Variants in IFT80 observed in about 807,000 individuals in gnomAD.
The protein encoded by IFT80 is intraflagellar transport 80, also known as intraflagellar transport protein 80 homolog.
In IFT80, 79 loss-of-function variants were observed where a neutral mutation model predicts 107.9. The ratio of observed to expected loss-of-function variants is 0.73; its 90% CI spans 0.61 to 0.88. The LOEUF is 0.88. Ranked by LOEUF, IFT80 falls within the 40% of genes least tolerant of loss-of-function variation. The pLI, the probability that IFT80 is intolerant of heterozygous loss-of-function variation, is 0.00. For synonymous variants in IFT80, 299 were observed against 300.9 expected (o/e 0.99, Z 0.07); for missense variants, 797 against 914.2 (o/e 0.87, Z 1.65).
chr3:160,387,518 A>G (rs969079986), intron 1 of IFT80, among the ~76,000 whole-genome samples: 3 of 152,318 alleles, frequency 2.0e-5, no homozygotes, highest in African/African-American at 7.2e-5. Flanking sequence ...AACAAAAAAG[A>G]AAAACAGTAG....
chr3:160,291,254 G>A (rs1314328689), intron 12 of IFT80, among the ~76,000 whole-genome samples: 2 of 152,120 alleles, frequency 1.3e-5, no homozygotes, highest in African/African-American at 4.8e-5. Context: ...CCCTATAACC[G>A]AAGAATAGAA....
In IFT80 at chr3:160,357,502, T is replaced by G. The variant is rs777829091; in HGVS notation, c.626A>C (p.Asp209Ala). 6.5e-7 allele frequency: 1 copy of G among 1,540,954 alleles called. No homozygotes were observed. The highest frequency in any genetic ancestry group is 1.7e-5 in the Admixed American group (1 of 59,796). ...AACATTATATACCTTATATTTACAGTCTTCACCAGCAGATAAAATAAGATC... is the reference window on the plus strand; with the variant it reads ...AACATTATATACCTTATATTTACAGGCTTCACCAGCAGATAAAATAAGATC... ...VNDLILSAGE[D>A]CKYKVWDSYG... Residue 209 changes from aspartate to alanine, a missense_variant, in exon 7 of 20, where the codon GAC becomes GCC. Asp to Ala is a moderately radical substitution (Grantham distance 126). Coordinates refer to ENST00000326448, the MANE Select transcript of IFT80 (RefSeq NM_020800.3).
chr3:160,363,102 C>T (rs1008417587), intron 6 of IFT80, among the ~76,000 whole-genome samples: 1 of 152,012 alleles, frequency 6.6e-6, no homozygotes, highest in East Asian at 1.9e-4. Flanking sequence ...ATGACACAAT[C>T]GTATATTTAG....
At position 160,322,003 on chromosome 3, in the gene IFT80, G is replaced by GTTATTTAT. The variant is rs145027648; in HGVS notation, c.778-2072_778-2065dup. 3.9e-3 allele frequency among the ~76,000 whole-genome samples: 573 copies of GTTATTTAT among 146,462 alleles called. 4 individuals carry two copies. Among genetic ancestry groups the GTTATTTAT allele is most frequent in the Admixed American group, 8.9e-3 (129 of 14,504 alleles). On this transcript the variant is annotated intron_variant, in intron 8 of 19. Transcript: ENST00000326448. ...CAGTAGAAAGGGTCATTGTCAGCTT[G>GTTATTTAT]TTATTTATTTATTTATTTATTTATT...
chr3:160,315,365 T>A (rs977306660), intron 9 of IFT80, among the ~76,000 whole-genome samples: 1 of 152,196 alleles, frequency 6.6e-6, no homozygotes, highest in Non-Finnish European at 1.5e-5. Flanking sequence ...ATTTACATTG[T>A]TAGGGTGAAA....
chr3:160,319,597 T>A (rs745709756), intron 9 of IFT80, among the ~76,000 whole-genome samples, 163 bp downstream of exon 9: 5 of 152,070 alleles, frequency 3.3e-5, no homozygotes, highest in Non-Finnish European at 7.4e-5. Flanking sequence ...GTGAAAGGTT[T>A]TTATGTCAGA....
chr3:160,304,439 T>C (rs1051146723), intron 10 of IFT80, among the ~76,000 whole-genome samples: 8 of 149,262 alleles, frequency 5.4e-5, no homozygotes, highest in African/African-American at 1.7e-4. Flanking sequence ...TTTTTTCTTT[T>C]TTTTTTTTTT....
intron 9 of IFT80, among the ~76,000 whole-genome samples, chr3:160,315,541 C>T (rs1293266727): frequency 6.6e-6 from 1 of 152,190 alleles, no homozygotes; most frequent in South Asian, 2.1e-4. Context: ...AGTTCTCAAG[C>T]TTACCCTTTC....
At chr3:160,324,115 T>G (rs1718491462) in intron 8 of IFT80, among the ~76,000 whole-genome samples, 1 of 152,136 alleles carries the variant, frequency 6.6e-6, no homozygotes, top group Non-Finnish European at 1.5e-5. Flanking sequence ...AGCAACAGGA[T>G]CTGAAATTGT....
Position 160,261,042 on chromosome 3 carries a change from C to G in IFT80, c.2224-2407G>C, listed in dbSNP as rs74880908. The stretch of plus-strand genomic sequence containing the variant: ...GTCTCTGATTCCATTTTCTTTGACT[C>G]CTCTAGGACATCTGACTTCAATTAT... On this transcript the variant is annotated intron_variant, in intron 19 of 19. Transcript: ENST00000326448. 5.3e-4 allele frequency among the ~76,000 whole-genome samples: 80 copies of G among 152,290 alleles called. 2 individuals are homozygous for G. The South Asian group carries it at 6.0e-3, about 11-fold the overall frequency.
chr3:160,267,072 A>G (rs893492627), intron 19 of IFT80, among the ~76,000 whole-genome samples: 1 of 152,162 alleles, frequency 6.6e-6, no homozygotes, highest in Non-Finnish European at 1.5e-5. Context: ...TCTAAAAAAC[A>G]TATCTCCTTT....
At chr3:160,270,577 A>C (rs1713717634) in intron 18 of IFT80, among the ~76,000 whole-genome samples, 1 of 152,084 alleles carries the variant, frequency 6.6e-6, no homozygotes, top group Non-Finnish European at 1.5e-5. Flanking sequence ...CTGTGACCTT[A>C]CGTCTTTCAG....
At chr3:160,295,824 A>T (rs1286249281) in intron 12 of IFT80, among the ~76,000 whole-genome samples, 1 of 152,252 alleles carries the variant, frequency 6.6e-6, no homozygotes, top group Admixed American at 6.5e-5. Context: ...CTTCAAAGAA[A>T]AAAGGAAATC....
chr3:160,377,772 T>C (rs1470392060), intron 3 of IFT80: 1 of 325,836 alleles, frequency 3.1e-6, no homozygotes, highest in African/African-American at 2.2e-5. Context: ...TTATACATGT[T>C]CATAACAGGG....
intron 12 of IFT80, chr3:160,299,153 ATAGT>A (rs1404954449): frequency 9.2e-6 from 9 of 981,494 alleles, no homozygotes; most frequent in Non-Finnish European, 1.1e-5. Context: ...TTCACAATTT[ATAGT>A]TATCTTAATT....
intron 1 of IFT80, among the ~76,000 whole-genome samples, chr3:160,385,314 A>C (rs1306085330): frequency 6.6e-6 from 1 of 152,272 alleles, no homozygotes; most frequent in Admixed American, 6.5e-5. Flanking sequence ...TGCTATGAAT[A>C]TAGTTGTTGT....
At chr3:160,331,475 G>A (rs1386696441) in intron 8 of IFT80, among the ~76,000 whole-genome samples, 6 of 152,114 alleles carry the variant, frequency 3.9e-5, no homozygotes, top group Non-Finnish European at 5.9e-5. Flanking sequence ...AGACAAGGAG[G>A]AACTACTATA....
At chr3:160,320,974 T>C (rs1288529221) in intron 8 of IFT80, among the ~76,000 whole-genome samples, 1 of 151,866 alleles carries the variant, frequency 6.6e-6, no homozygotes, top group Non-Finnish European at 1.5e-5. Context: ...AACCACTCAC[T>C]GACACTCTTT....
chr3:160,377,327 A>T lies in IFT80; in HGVS notation c.370+103T>A, dbSNP rs1712103667. The T allele has an allele frequency of 2.6e-5, 19 of 718,760 alleles. 1 individual carries two copies. Among genetic ancestry groups the T allele is most frequent in the South Asian group, 2.6e-4 (17 of 65,186 alleles). The allele number at this position is 718,760 out of a possible 1,614,324, so 44.5% of individuals were successfully genotyped here. ...AACAATACTATGCCAATTATTTGCT[A>T]TTACACAATGAAAGACACTATTGCT... On this transcript the variant is annotated intron_variant, in intron 4 of 19. Coordinates refer to ENST00000326448, the MANE Select transcript of IFT80 (RefSeq NM_020800.3).
Sources: gnomAD v4.1 joint callset for allele counts (sites outside exome capture counted in the v4.1 genomes callset) on GRCh38, gnomAD v4.1.1 for gene constraint, MANE v1.5 for transcripts, NCBI Gene and HGNC (gene_info 2026-07-23, HGNC 2026-07-21) for gene names.